AKR1B10: variants seen among roughly 807,000 people sequenced by gnomAD.
AKR1B10 encodes aldo-keto reductase family 1 member B10.
A neutral mutation model predicts 38.9 loss-of-function variants in AKR1B10; 39 were observed. The observed-to-expected ratio is 1.00, with a 90% CI of 0.78 to 1.31. The LOEUF is 1.31. AKR1B10 is among the 50% of genes most tolerant of loss of function. AKR1B10 has a pLI of 0.00. For missense variants in AKR1B10, 361 were observed against 382.6 expected, an observed-to-expected ratio of 0.94 and a Z score of 0.47; for synonymous variants, 148 against 141.2, an observed-to-expected ratio of 1.05 and a Z score of -0.34.
chr7:134,539,105 G>A (rs2117556022), intron 9 of AKR1B10, 88 bp downstream of exon 9: 3 of 1,505,202 alleles, frequency 2.0e-6, no homozygotes, highest in South Asian at 1.2e-5. Flanking sequence ...AGGCTGCTGG[G>A]ACTACTTGTG....
At position 134,531,004 on chromosome 7, in the gene AKR1B10, C is replaced by G. The variant is rs1376506170; in HGVS notation, c.234+194C>G. On this transcript the variant is annotated intron_variant, in intron 2 of 9. Coordinates refer to ENST00000359579, the MANE Select transcript of AKR1B10 (RefSeq NM_020299.5). ...ATTTGAACATGTCGTGGCTGCCCCA[C>G]CTGCCTGTAGGTTGGTTTTCCCATA... 2.0e-5 allele frequency among the ~76,000 whole-genome samples: 3 copies of G among 152,208 alleles called. No homozygotes were observed. The East Asian group carries it at 5.8e-4, about 29-fold the overall frequency.
At chr7:134,535,284 C>T (rs77405741) in intron 4 of AKR1B10, among the ~76,000 whole-genome samples, 9 of 151,990 alleles carry the variant, frequency 5.9e-5, no homozygotes, top group African/African-American at 2.2e-4. Flanking sequence ...TATTATAAGA[C>T]TTTTTTTAAG....
chr7:134,527,783 T>C lies in AKR1B10; in HGVS notation c.-129T>C. ...ATTGCTTGAACCCAGGAGACAGAGG[T>C]TGTAGTGAGCTGAGATCGCACCACT... On this transcript the variant is annotated 5_prime_UTR_variant, in exon 1 of 10. Coordinates refer to ENST00000359579, the MANE Select transcript of AKR1B10 (RefSeq NM_020299.5). 3 of 1,351,388 alleles carry C rather than the reference T, an allele frequency of 2.2e-6. No individual in the cohort carries two copies. Among genetic ancestry groups the C allele is most frequent in the Non-Finnish European group, 2.0e-6 (2 of 981,240 alleles). The allele number at this position is 1,351,388 out of a possible 1,614,324, so 83.7% of individuals were successfully genotyped here.
intron 1 of AKR1B10, 120 bp downstream of exon 1, chr7:134,528,097 C>A: frequency 7.7e-7 from 1 of 1,306,758 alleles, no homozygotes; most frequent in Non-Finnish European, 1.1e-6. Context: ...TAAGATTCAG[C>A]CCTGGAGCCA....
Position 134,527,711 on chromosome 7 carries a change from C to A in AKR1B10, c.-201C>A. The stretch of plus-strand genomic sequence containing the variant: ...CAATATAAAAATTAGCTGGGAGTCA[C>A]GGTGGGCGCCTGTAATCCCAGCTAC... On this transcript the variant is annotated 5_prime_UTR_variant, in exon 1 of 10. Transcript: ENST00000359579. 3 of 455,130 alleles carry A rather than the reference C, an allele frequency of 6.6e-6. No homozygotes were observed. The highest frequency in any genetic ancestry group is 1.2e-5 in the Non-Finnish European group (3 of 255,566). 28.2% of individuals were successfully genotyped at this position (455,130 alleles called of 1,614,324 possible).
chr7:134,534,278 C>T lies in AKR1B10; in HGVS notation c.429+1197C>T, dbSNP rs139033691. On this transcript the variant is annotated intron_variant, in intron 4 of 9. Transcript: ENST00000359579. ...CTGGGACTAGAGGTGCATGCCACCA[C>T]GCCTGGCTAATTTTTGTATTTTTAG... Among the ~76,000 whole-genome samples, 799 of 152,216 alleles carry T rather than the reference C, an allele frequency of 5.2e-3. 3 individuals are homozygous for T. Among genetic ancestry groups the T allele is most frequent in the African/African-American group, 0.018 (766 of 41,544 alleles).
chr7:134,537,712 C>T (rs779992028), intron 7 of AKR1B10, 51 bp downstream of exon 7: 14 of 1,598,484 alleles, frequency 8.8e-6, no homozygotes, highest in East Asian at 6.7e-5. Context: ...CTTCCAGTCT[C>T]GTGTTTCATA....
rs1259242173 is a variant in AKR1B10 at position 134,538,794 on chromosome 7, T to C, written c.826-141T>C. 2.5e-5 allele frequency: 22 copies of C among 887,802 alleles called. No individual in the cohort carries two copies. In the South Asian group the frequency reaches 3.7e-4, roughly 15 times the overall value. 55.0% of individuals were successfully genotyped at this position (887,802 alleles called of 1,614,324 possible). A position where few individuals can be genotyped will look rare whatever the true frequency, so the allele number is the denominator to read the frequency against. ...GACCTAATTTAGAGAAAAATTTGTA[T>C]CCCGTGGACAGAATGGGAAAAACTC... On this transcript the variant is annotated intron_variant, in intron 8 of 9. Transcript: ENST00000359579.
chr7:134,529,027 C>A (rs552330671), intron 1 of AKR1B10, among the ~76,000 whole-genome samples: 79 of 152,280 alleles, frequency 5.2e-4, no homozygotes, highest in African/African-American at 1.8e-3. Flanking sequence ...TCCATCACCA[C>A]CTCCCTCTGC....
In AKR1B10 at chr7:134,538,322, G is replaced by T. The variant is rs765046457; in HGVS notation, c.825+45G>T. 5 of 1,559,208 alleles carry T rather than the reference G, an allele frequency of 3.2e-6. No homozygotes were observed. The East Asian group carries it at 9.0e-5, about 28-fold the overall frequency. The stretch of plus-strand genomic sequence containing the variant: ...GCCCTGGTATTCCTCAGTGGAGTGG[G>T]GGACAGGCAGACCTTCTCACTAGGC... On this transcript the variant is annotated intron_variant, in intron 8 of 9. Transcript: ENST00000359579.
At chr7:134,540,013 G>T (rs2117557345) in intron 9 of AKR1B10, among the ~76,000 whole-genome samples, 1 of 152,106 alleles carries the variant, frequency 6.6e-6, no homozygotes, top group East Asian at 1.9e-4. Context: ...TGATCAAGAG[G>T]TCAGGAGATC....
chr7:134,530,542 G>C (rs554655472), intron 1 of AKR1B10, 101 bp from the exon 2 acceptor site: 1 of 1,307,052 alleles, frequency 7.7e-7, no homozygotes, highest in Admixed American at 1.9e-5. Context: ...AGGTGGGAGG[G>C]TTGCTTGAAC....
Position 134,527,804 on chromosome 7 carries a change from C to T in AKR1B10, c.-108C>T. On this transcript the variant is annotated 5_prime_UTR_variant, in exon 1 of 10. Transcript: ENST00000359579. ...GAGGTTGTAGTGAGCTGAGATCGCA[C>T]CACTGCACTCTAGCCTTGGCAACAG... 6.6e-7 allele frequency: 1 copy of T among 1,519,504 alleles called. No individual in the cohort carries two copies. Among genetic ancestry groups the T allele is most frequent in the Non-Finnish European group, 9.0e-7 (1 of 1,106,222 alleles). 94.1% of individuals were successfully genotyped at this position (1,519,504 alleles called of 1,614,324 possible). A position where few individuals can be genotyped will look rare whatever the true frequency, so the allele number is the denominator to read the frequency against.
chr7:134,529,009 C>G (rs978220000), intron 1 of AKR1B10, among the ~76,000 whole-genome samples: 3 of 152,160 alleles, frequency 2.0e-5, no homozygotes, highest in African/African-American at 4.8e-5. Flanking sequence ...GGCTAAGTTT[C>G]AAGTTGTTCC....
chr7:134,532,870 A>G lies in AKR1B10; in HGVS notation c.352-134A>G, dbSNP rs1441416876. 5.8e-6 allele frequency: 4 copies of G among 686,382 alleles called. No homozygotes were observed. In the East Asian group the frequency reaches 8.7e-5, roughly 15 times the overall value. The allele number at this position is 686,382 out of a possible 1,614,324, so 42.5% of individuals were successfully genotyped here. ...ATTTTAATTAAACTCACATTCCTAAAGTATGTACTCCAGAACTTGAAAAAG... is the reference window on the plus strand; with the variant it reads ...ATTTTAATTAAACTCACATTCCTAAGGTATGTACTCCAGAACTTGAAAAAG... On this transcript the variant is annotated intron_variant, in intron 3 of 9. Coordinates refer to ENST00000359579, the MANE Select transcript of AKR1B10 (RefSeq NM_020299.5).
intron 4 of AKR1B10, among the ~76,000 whole-genome samples, chr7:134,535,971 A>T (rs1367843418): frequency 6.6e-6 from 1 of 152,196 alleles, no homozygotes; most frequent in Non-Finnish European, 1.5e-5. Context: ...TTATACAAAG[A>T]TTCCCTTCCT....
At chr7:134,535,248 T>C (rs1261860637) in intron 4 of AKR1B10, among the ~76,000 whole-genome samples, 2 of 152,016 alleles carry the variant, frequency 1.3e-5, no homozygotes. Context: ...GTAATATATA[T>C]CAGAAACATA....
intron 9 of AKR1B10, 81 bp downstream of exon 9, chr7:134,539,098 CT>C (rs1163608317): frequency 1.3e-6 from 2 of 1,535,556 alleles, no homozygotes; most frequent in African/African-American, 1.4e-5. Flanking sequence ...GATTGGAAGG[CT>C]GCTGGGACTA....
intron 3 of AKR1B10, among the ~76,000 whole-genome samples, chr7:134,532,752 T>C (rs556337351): frequency 1.1e-4 from 17 of 152,190 alleles, no homozygotes; most frequent in Non-Finnish European, 2.4e-4. Context: ...TTAATGTCCA[T>C]GGTGATAATG....
Sources: allele counts gnomAD v4.1 joint callset (sites outside exome capture counted in the v4.1 genomes callset), GRCh38; gene constraint gnomAD v4.1.1; transcripts MANE v1.5; gene names NCBI Gene and HGNC (gene_info 2026-07-23, HGNC 2026-07-21).